The following PRKG1 variants were observed in gnomAD, a reference collection of about 807,000 sequenced individuals.
The protein encoded by PRKG1 is protein kinase cGMP-dependent 1.
A neutral mutation model predicts 88.1 loss-of-function variants in PRKG1; 35 were observed. That is an observed-to-expected ratio of 0.40 (90% confidence interval 0.30 to 0.53). PRKG1 has a LOEUF of 0.53. Among genes scored for constraint, PRKG1 ranks in the 20% least tolerant of loss-of-function variants. The probability of loss-of-function intolerance (pLI) is 0.59; values close to 1 mark genes in which losing one functional copy is unlikely to be tolerated. For missense variants in PRKG1, 540 were observed against 839.8 expected, an observed-to-expected ratio of 0.64 and a Z score of 4.41; for synonymous variants, 303 against 292.5, an observed-to-expected ratio of 1.04 and a Z score of -0.37.
At chr10:51,897,731 C>G (rs1841886244) in intron 4 of PRKG1, among the ~76,000 whole-genome samples, 1 of 152,080 alleles carries the variant, frequency 6.6e-6, no homozygotes, top group Non-Finnish European at 1.5e-5. Context: ...TAACAGAGCC[C>G]AGCTGCTCCT....
At chr10:51,380,079 T>A (rs1837034445) in intron 2 of PRKG1, among the ~76,000 whole-genome samples, 1 of 152,204 alleles carries the variant, frequency 6.6e-6, no homozygotes, top group Admixed American at 6.5e-5. Context: ...GCCCTCTATG[T>A]CTAGGCTATT....
chr10:51,860,164 G>A (rs534255218), intron 4 of PRKG1, among the ~76,000 whole-genome samples: 4 of 152,244 alleles, frequency 2.6e-5, no homozygotes, highest in African/African-American at 7.2e-5. Flanking sequence ...GTTTGAATAG[G>A]TGTGCTCTTA....
At chr10:51,802,045 T>C (rs1257549835) in intron 3 of PRKG1, among the ~76,000 whole-genome samples, 1 of 152,186 alleles carries the variant, frequency 6.6e-6, no homozygotes, top group African/African-American at 2.4e-5. Flanking sequence ...AACACATCAC[T>C]TAAGATCAAA....
intron 2 of PRKG1, among the ~76,000 whole-genome samples, chr10:51,183,200 T>A (rs955498098): frequency 2.0e-5 from 3 of 152,192 alleles, no homozygotes; most frequent in African/African-American, 7.2e-5. Flanking sequence ...TTGTATGTAA[T>A]GACAATGCCA....
intron 3 of PRKG1, among the ~76,000 whole-genome samples, chr10:51,689,687 G>C (rs535686898): frequency 6.6e-6 from 1 of 152,300 alleles, no homozygotes; most frequent in Admixed American, 6.5e-5. Flanking sequence ...TGGTTTCCCA[G>C]GTGTTCAGGA....
chr10:51,188,506 G>A (rs1837551820), intron 2 of PRKG1, among the ~76,000 whole-genome samples: 1 of 151,840 alleles, frequency 6.6e-6, no homozygotes, highest in South Asian at 2.1e-4. Context: ...ATATGTTCAA[G>A]TATATTTCCC....
At chr10:51,299,711 C>G in intron 2 of PRKG1, 1 of 418,048 alleles carries the variant, frequency 2.4e-6, no homozygotes, top group African/African-American at 2.2e-5. Flanking sequence ...ATATTGCTCT[C>G]TGCACATGTG....
intron 2 of PRKG1, among the ~76,000 whole-genome samples, chr10:51,390,250 T>G (rs535287794): frequency 2.6e-5 from 4 of 152,308 alleles, no homozygotes; most frequent in South Asian, 2.1e-4. Flanking sequence ...AATCACTGGG[T>G]GAGGCTCTTG....
At chr10:52,025,676 A>G (rs1845317195) in intron 5 of PRKG1, among the ~76,000 whole-genome samples, 1 of 151,414 alleles carries the variant, frequency 6.6e-6, no homozygotes, top group Non-Finnish European at 1.5e-5. Context: ...GTTCTGTTCC[A>G]TTGGTCTATA....
intron 1 of PRKG1, among the ~76,000 whole-genome samples, chr10:51,058,748 ACT>A (rs1843662092): frequency 6.6e-6 from 1 of 152,012 alleles, no homozygotes; most frequent in African/African-American, 2.4e-5. Context: ...GTGAATGAAT[ACT>A]CTCTCCTTTC....
chr10:51,160,124 C>G lies in PRKG1; in HGVS notation c.478+6794C>G, dbSNP rs1238128988. 2.0e-5 allele frequency among the ~76,000 whole-genome samples: 3 copies of G among 152,176 alleles called. No homozygotes were observed. In the East Asian group the frequency reaches 5.8e-4, roughly 29 times the overall value. ...GACTCTGAGTCTGTGAATCTGTGAA[C>G]TAATACTCTACAAGTTAGCTTATAA... On this transcript the variant is annotated intron_variant, in intron 2 of 17. Coordinates refer to ENST00000373980, the MANE Select transcript of PRKG1 (RefSeq NM_006258.4).
At chr10:51,945,745 G>A (rs1231675873) in intron 5 of PRKG1, among the ~76,000 whole-genome samples, 1 of 150,500 alleles carries the variant, frequency 6.6e-6, no homozygotes, top group Non-Finnish European at 1.5e-5. Flanking sequence ...GAAATTCTGG[G>A]TTGAAAATTC....
At chr10:52,290,480 T>C (rs1318414247) in intron 17 of PRKG1, among the ~76,000 whole-genome samples, 190 bp downstream of exon 17, 2 of 152,218 alleles carry the variant, frequency 1.3e-5, no homozygotes, top group African/African-American at 4.8e-5. Context: ...GGATAGTCAC[T>C]GTAAATGTGT....
At chr10:51,115,410 CAGAGAGAG>C (rs10599349) in intron 1 of PRKG1, among the ~76,000 whole-genome samples, 23 of 112,014 alleles carry the variant, frequency 2.1e-4, no homozygotes, top group East Asian at 1.6e-3. Context: ...GGGGGAGAGA[CAGAGAGAG>C]AGAGAGAGAG....
chr10:51,698,953 T>C, intron 3 of PRKG1: 1 of 1,614,198 alleles, frequency 6.2e-7, no homozygotes, highest in Middle Eastern at 1.6e-4. Context: ...CTGGGATCAG[T>C]GGTGTGACAT....
intron 2 of PRKG1, among the ~76,000 whole-genome samples, chr10:51,291,174 G>C (rs1219825334): frequency 6.6e-6 from 1 of 152,088 alleles, no homozygotes; most frequent in Non-Finnish European, 1.5e-5. Flanking sequence ...TAATGCCCCT[G>C]ACCTTTTTGC....
At position 51,016,673 on chromosome 10, in the gene PRKG1, C is replaced by CTTCTTTCTTTTTTTTTTTTTTTTTTTTT. The variant is rs1564571435; in HGVS notation, c.266+25031_266+25032insCTTTCTTTTTTTTTTTTTTTTTTTTTTT. 7.7e-4 allele frequency among the ~76,000 whole-genome samples: 27 copies of CTTCTTTCTTTTTTTTTTTTTTTTTTTTT among 35,194 alleles called. 1 individual carries two copies. The highest frequency in any genetic ancestry group is 1.4e-3 in the African/African-American group (10 of 7,088). The allele number at this position is 35,194 out of a possible 152,430, so 23.1% of individuals were successfully genotyped here. ...AGTGAAGAAGGTATTATTATCCTTT[C>CTTCTTTCTTTTTTTTTTTTTTTTTTTTT]TTTTTTTTTTTTTTTTTTTGGAATC... On this transcript the variant is annotated intron_variant, in intron 1 of 17. Transcript: ENST00000401604.
intron 7 of PRKG1, among the ~76,000 whole-genome samples, chr10:52,076,994 A>G (rs963080229): frequency 8.6e-5 from 13 of 151,548 alleles, no homozygotes; most frequent in Non-Finnish European, 1.8e-4. Context: ...ACAGTTTGGC[A>G]GTTTTTTTTT....
chr10:51,520,258 TATAG>T (rs1308445473), intron 3 of PRKG1, among the ~76,000 whole-genome samples: 2 of 137,890 alleles, frequency 1.5e-5, no homozygotes, highest in African/African-American at 5.1e-5. Context: ...TGGATATACA[TATAG>T]AGTTATATAT....
Sources: gnomAD v4.1 joint callset for allele counts (sites outside exome capture counted in the v4.1 genomes callset) on GRCh38, gnomAD v4.1.1 for gene constraint, MANE v1.5 for transcripts, NCBI Gene and HGNC (gene_info 2026-07-23, HGNC 2026-07-21) for gene names.